Variants in KCNK1 observed in about 807,000 individuals in gnomAD.
KCNK1 encodes the protein potassium channel subfamily K member 1.
KCNK1 carries 10 observed loss-of-function variants against 22.2 expected under a neutral mutation model. The ratio of observed to expected loss-of-function variants is 0.45; its 90% CI spans 0.28 to 0.76. The LOEUF (loss-of-function observed/expected upper bound fraction) is 0.76. Among genes scored for constraint, KCNK1 ranks in the 30% least tolerant of loss-of-function variants. KCNK1 has a pLI of 0.14. For missense variants in KCNK1, 378 were observed against 421.0 expected (o/e 0.90, Z 0.89); for synonymous variants, 200 against 186.4 (o/e 1.07, Z -0.60).
chr1:233,659,294 C>T (rs1658351132), intron 1 of KCNK1, among the ~76,000 whole-genome samples: 1 of 151,316 alleles, frequency 6.6e-6, no homozygotes, highest in Non-Finnish European at 1.5e-5. Flanking sequence ...CACATCTGTC[C>T]CACTGGAAGG....
chr1:233,671,225 A>G (rs1239622037), intron 2 of KCNK1, 46 bp from the exon 3 acceptor site: 1 of 1,588,172 alleles, frequency 6.3e-7, no homozygotes, highest in East Asian at 2.2e-5. Context: ...TACTTGATTT[A>G]TCCATGTTGA....
chr1:233,647,804 G>A (rs1291873846), intron 1 of KCNK1, among the ~76,000 whole-genome samples: 6 of 152,172 alleles, frequency 3.9e-5, no homozygotes, highest in Admixed American at 1.3e-4. Flanking sequence ...GTAAGACCAG[G>A]AGGTGCTCCC....
intron 1 of KCNK1, among the ~76,000 whole-genome samples, chr1:233,636,365 G>A (rs1384846949): frequency 6.6e-6 from 1 of 152,144 alleles, no homozygotes; most frequent in African/African-American, 2.4e-5. Context: ...CCGTGGCTTG[G>A]GCTACAGCAG....
In KCNK1 at chr1:233,672,250, G is replaced by A. The variant is rs1215334479; in HGVS notation, c.*720G>A. ...GAGTGAATAACCATAGTATTCTGCT[G>A]CAATAAATGTTTCTACCCTCTTGCG... On this transcript the variant is annotated 3_prime_UTR_variant, in exon 3 of 3. Transcript: ENST00000366621. 1 of 152,486 alleles carries A rather than the reference G, an allele frequency of 6.6e-6. No individual in the cohort carries two copies. Among genetic ancestry groups the A allele is most frequent in the African/African-American group, 2.4e-5 (1 of 41,412 alleles). The allele number at this position is 152,486 out of a possible 1,614,324, so 9.4% of individuals were successfully genotyped here. A position where few individuals can be genotyped will look rare whatever the true frequency, so the allele number is the denominator to read the frequency against.
At chr1:233,633,063 G>C (rs1296081808) in intron 1 of KCNK1, among the ~76,000 whole-genome samples, 2 of 151,760 alleles carry the variant, frequency 1.3e-5, no homozygotes, top group African/African-American at 4.8e-5. Flanking sequence ...GTTTGCTTCT[G>C]TCTGCCATTT....
intron 1 of KCNK1, among the ~76,000 whole-genome samples, chr1:233,645,306 G>A (rs1041051263): frequency 1.3e-5 from 2 of 152,136 alleles, no homozygotes; most frequent in Non-Finnish European, 2.9e-5. Flanking sequence ...CCTAACCTCT[G>A]GAAACTGTGA....
At chr1:233,661,913 C>T (rs1211342387) in intron 1 of KCNK1, 1 of 152,212 alleles carries the variant, frequency 6.6e-6, no homozygotes, top group African/African-American at 2.4e-5. Flanking sequence ...TTATTCATCA[C>T]CGTGCAATGA....
At chr1:233,623,213 G>T (rs1480249642) in intron 1 of KCNK1, among the ~76,000 whole-genome samples, 1 of 151,272 alleles carries the variant, frequency 6.6e-6, no homozygotes, top group Non-Finnish European at 1.5e-5. Context: ...AATGGAAATG[G>T]TTAGCAAGAA....
chr1:233,647,151 G>T (rs758964248), intron 1 of KCNK1, among the ~76,000 whole-genome samples: 1 of 152,222 alleles, frequency 6.6e-6, no homozygotes, highest in Non-Finnish European at 1.5e-5. Context: ...TTTATAAACG[G>T]CATGTCATCT....
intron 1 of KCNK1, among the ~76,000 whole-genome samples, chr1:233,663,665 G>A (rs1658439883): frequency 6.6e-6 from 1 of 152,138 alleles, no homozygotes. Context: ...GAGTCCAACT[G>A]ACTCAGCTGA....
chr1:233,666,252 TG>T (rs1658486916), intron 1 of KCNK1, among the ~76,000 whole-genome samples: 1 of 152,184 alleles, frequency 6.6e-6, no homozygotes, highest in Non-Finnish European at 1.5e-5. Context: ...TAGCCTCGGA[TG>T]AGTTTTTCCT....
chr1:233,642,191 A>G (rs1248578398), intron 1 of KCNK1, among the ~76,000 whole-genome samples: 4 of 152,064 alleles, frequency 2.6e-5, no homozygotes, highest in Non-Finnish European at 5.9e-5. Flanking sequence ...TCTAGGTTTG[A>G]CCTCATGCTA....
intron 1 of KCNK1, among the ~76,000 whole-genome samples, chr1:233,650,285 C>T (rs540056321): frequency 1.3e-5 from 2 of 152,286 alleles, no homozygotes; most frequent in African/African-American, 2.4e-5. Context: ...TTCTAAACTA[C>T]AGAGTGGCCA....
At position 233,666,752 on chromosome 1, in the gene KCNK1, C is replaced by T; in HGVS notation, c.513C>T (p.Arg171=). ...TRRPVLYFHI[R]WGFSKQVVAI... ...GGCCGGTCCTCTACTTCCACATCCG[C>T]TGGGGCTTCTCCAAGCAGGTGGTGG... The change falls in exon 2 of 3, where the codon CGC becomes CGT. Residue 171 remains arginine (R), a synonymous_variant. Transcript: ENST00000366621. 1 of 1,614,206 alleles carries T rather than the reference C, an allele frequency of 6.2e-7. No individual in the cohort carries two copies. The highest frequency in any genetic ancestry group is 1.1e-5 in the South Asian group (1 of 91,090).
chr1:233,670,843 C>T (rs1658583917), intron 2 of KCNK1, among the ~76,000 whole-genome samples: 1 of 152,160 alleles, frequency 6.6e-6, no homozygotes, highest in Admixed American at 6.5e-5. Flanking sequence ...ATCTTCCGAG[C>T]ACCCCATGAT....
intron 1 of KCNK1, among the ~76,000 whole-genome samples, chr1:233,637,690 A>G (rs1657925091): frequency 6.6e-6 from 1 of 152,174 alleles, no homozygotes; most frequent in Admixed American, 6.5e-5. Flanking sequence ...TGTAAAACCT[A>G]CAGATTGGAA....
chr1:233,618,079 C>T (rs946759802), intron 1 of KCNK1, among the ~76,000 whole-genome samples: 2 of 152,164 alleles, frequency 1.3e-5, no homozygotes, highest in African/African-American at 4.8e-5. Flanking sequence ...AGGATGGGCT[C>T]CCTTGTAATG....
intron 1 of KCNK1, among the ~76,000 whole-genome samples, chr1:233,642,881 G>T (rs2102896276): frequency 6.6e-6 from 1 of 151,470 alleles, no homozygotes; most frequent in African/African-American, 2.4e-5. Context: ...CGATTCTTCT[G>T]CCTCAGCCTC....
intron 1 of KCNK1, among the ~76,000 whole-genome samples, chr1:233,649,436 G>A (rs1382842820): frequency 1.3e-5 from 2 of 152,188 alleles, no homozygotes; most frequent in Non-Finnish European, 2.9e-5. Context: ...ATGTCTTAAT[G>A]TAGATAGACT....
Sources: gnomAD v4.1 joint callset for allele counts (sites outside exome capture counted in the v4.1 genomes callset) on GRCh38, gnomAD v4.1.1 for gene constraint, MANE v1.5 for transcripts, NCBI Gene and HGNC (gene_info 2026-07-23, HGNC 2026-07-21) for gene names.